CDYL: variants seen among roughly 807,000 people sequenced by gnomAD.
CDYL encodes chromodomain Y-like protein.
Under a neutral mutation model 47.3 loss-of-function variants are expected in CDYL, and 8 were observed. The observed-to-expected ratio is 0.17, with a 90% confidence interval of 0.10 to 0.31. The LOEUF (loss-of-function observed/expected upper bound fraction) is 0.31. Among genes scored for constraint, CDYL ranks in the 10% least tolerant of loss-of-function variants. The pLI, the probability that CDYL is intolerant of heterozygous loss-of-function variation, is 1.00. For missense variants in CDYL, 471 were observed against 701.4 expected (o/e 0.67, Z 3.71); for synonymous variants, 266 against 265.0 (o/e 1.00, Z -0.04).
chr6:4,710,573 G>A (rs537503530), intron 1 of CDYL, among the ~76,000 whole-genome samples: 4 of 146,064 alleles, frequency 2.7e-5, no homozygotes, highest in South Asian at 4.7e-4. Flanking sequence ...GGGAGGGAGG[G>A]AGGAACCCAG....
At chr6:4,870,301 C>T (rs908223784) in intron 1 of CDYL, among the ~76,000 whole-genome samples, 1 of 152,152 alleles carries the variant, frequency 6.6e-6, no homozygotes, top group African/African-American at 2.4e-5. Flanking sequence ...ATTGTTTTCC[C>T]TTTGGTGCTT....
chr6:4,857,489 T>A (rs1164431921), intron 1 of CDYL, among the ~76,000 whole-genome samples: 2 of 152,240 alleles, frequency 1.3e-5, no homozygotes, highest in African/African-American at 4.8e-5. Flanking sequence ...TACTAGACTC[T>A]GCCTTTTTCT....
At chr6:4,944,271 TCA>T (rs1243755157) in intron 5 of CDYL, among the ~76,000 whole-genome samples, 1 of 152,132 alleles carries the variant, frequency 6.6e-6, no homozygotes, top group Non-Finnish European at 1.5e-5. Context: ...GGAGGTGGTG[TCA>T]CAGGTCAGGT....
chr6:4,708,169 CACACACACATAT>C (rs939556225), intron 1 of CDYL, among the ~76,000 whole-genome samples: 2 of 68,948 alleles, frequency 2.9e-5, no homozygotes, highest in African/African-American at 1.8e-4. Flanking sequence ...CACACACACA[CACACACACATAT>C]ATATATATAT....
At chr6:4,726,107 T>G (rs1260538242) in intron 2 of CDYL, among the ~76,000 whole-genome samples, 7 of 152,098 alleles carry the variant, frequency 4.6e-5, no homozygotes, top group Non-Finnish European at 1.0e-4. Flanking sequence ...ATCCAAGATT[T>G]AGAGGTTAAA....
At chr6:4,775,425 C>T (rs1758411497), upstream of CDYL, 1 of 152,176 alleles carries the variant, frequency 6.6e-6, no homozygotes, top group Admixed American at 6.5e-5. This position sits in a 1 kb window ranked among gnomAD's most constrained non-coding sequence, Gnocchi z 7.0. Context: ...CCTCGCTGTT[C>T]TGAGCGAGGG....
Position 4,954,243 on chromosome 6 carries a change from ATAAC to A in CDYL, c.*190_*193del, listed in dbSNP as rs1352126954. The A allele has an allele frequency of 1.9e-6, 1 of 533,980 alleles. No individual in the cohort carries two copies. The allele number at this position is 533,980 out of a possible 1,614,324, so 33.1% of individuals were successfully genotyped here. On this transcript the variant is annotated 3_prime_UTR_variant, in exon 7 of 7. Coordinates refer to ENST00000397588, the MANE Select transcript of CDYL (RefSeq NM_004824.4). ...TTAAAGTACTGTAACTTTAAAATAAATAACTACAAAGCTTCTTTGTCCAAACGTC... is the reference window on the plus strand; with the variant it reads ...TTAAAGTACTGTAACTTTAAAATAAATACAAAGCTTCTTTGTCCAAACGTC...
intron 1 of CDYL, among the ~76,000 whole-genome samples, chr6:4,881,684 T>C (rs1034888311): frequency 1.2e-4 from 18 of 152,212 alleles, no homozygotes; most frequent in African/African-American, 4.1e-4. Context: ...CATTAAACAT[T>C]ATTACACTGT....
chr6:4,861,985 G>A lies in CDYL; in HGVS notation c.25-29728G>A, dbSNP rs539083126. Reference sequence around the variant, plus strand: ...ACATAGTCATTTTTATAAATTCATAGCCCTGGTCCTAAACAGGAAGTAAAG... The same window carrying A: ...ACATAGTCATTTTTATAAATTCATAACCCTGGTCCTAAACAGGAAGTAAAG... On this transcript the variant is annotated intron_variant, in intron 1 of 6. Coordinates refer to ENST00000397588, the MANE Select transcript of CDYL (RefSeq NM_004824.4). Among the ~76,000 whole-genome samples, 120 of 152,156 alleles carry A rather than the reference G, an allele frequency of 7.9e-4. 2 individuals are homozygous for A. In the South Asian group the frequency reaches 0.024, roughly 30 times the overall value.
At chr6:4,795,931 A>C (rs901047251) in intron 1 of CDYL, among the ~76,000 whole-genome samples, 1 of 151,510 alleles carries the variant, frequency 6.6e-6, no homozygotes, top group Non-Finnish European at 1.5e-5. Flanking sequence ...TCACTTTCAG[A>C]TTTTTTTTCT....
chr6:4,778,437 T>C (rs897111974), intron 1 of CDYL, among the ~76,000 whole-genome samples: 3 of 152,240 alleles, frequency 2.0e-5, no homozygotes, highest in African/African-American at 7.2e-5. Context: ...TCTGTGCTTA[T>C]TCTATATCTT....
At chr6:4,925,435 A>G (rs1757841653) in intron 2 of CDYL, among the ~76,000 whole-genome samples, 2 of 120,766 alleles carry the variant, frequency 1.7e-5, no homozygotes, top group Admixed American at 1.0e-4. Context: ...TTTTTGAGAC[A>G]GAATCTCACT....
At chr6:4,940,280 G>A (rs759595525) in intron 4 of CDYL, among the ~76,000 whole-genome samples, 15 of 152,214 alleles carry the variant, frequency 9.9e-5, no homozygotes, top group African/African-American at 1.2e-4. Flanking sequence ...TTTTGTCAAT[G>A]TGAATTTTCC....
intron 1 of CDYL, among the ~76,000 whole-genome samples, chr6:4,845,186 A>G (rs1471319297): frequency 2.0e-5 from 3 of 152,238 alleles, no homozygotes; most frequent in African/African-American, 4.8e-5. Context: ...CAGTTTGCCA[A>G]AAGGTTCAAA....
intron 1 of CDYL, among the ~76,000 whole-genome samples, chr6:4,867,194 G>T (rs552157484): frequency 6.6e-6 from 1 of 152,130 alleles, no homozygotes; most frequent in East Asian, 1.9e-4. Context: ...TCTGGAGTAT[G>T]TTAAAACAAA....
In CDYL at chr6:4,955,241, A is replaced by G. The variant is rs971269370; in HGVS notation, c.*1185A>G. On this transcript the variant is annotated 3_prime_UTR_variant, in exon 7 of 7. Coordinates refer to ENST00000397588, the MANE Select transcript of CDYL (RefSeq NM_004824.4). ...TGATTCCAGACTCCAGATGCCTATT[A>G]TTAGTTAGGCTTCTGAGCTTGCAAT... is the stretch of plus-strand genomic sequence containing the variant. The G allele has an allele frequency of 6.6e-5, 10 of 152,616 alleles. No homozygotes were observed. The highest frequency in any genetic ancestry group is 1.0e-4 in the Non-Finnish European group (7 of 68,042). 9.5% of individuals were successfully genotyped at this position (152,616 alleles called of 1,614,324 possible). A position where few individuals can be genotyped will look rare whatever the true frequency, so the allele number is the denominator to read the frequency against.
chr6:4,741,603 T>C (rs1178729022), intron 3 of CDYL, among the ~76,000 whole-genome samples: 3 of 152,202 alleles, frequency 2.0e-5, no homozygotes, highest in African/African-American at 7.2e-5. Context: ...GGCATGGTTC[T>C]ACTCTTTTAA....
intron 1 of CDYL, among the ~76,000 whole-genome samples, chr6:4,781,670 A>G (rs1363749888): frequency 6.6e-6 from 1 of 152,046 alleles, no homozygotes; most frequent in Non-Finnish European, 1.5e-5. Flanking sequence ...TCTTGCTGTG[A>G]TATCTAAGAA....
At chr6:4,737,803 G>A (rs1317191598) in intron 3 of CDYL, among the ~76,000 whole-genome samples, 2 of 152,048 alleles carry the variant, frequency 1.3e-5, no homozygotes, top group Non-Finnish European at 2.9e-5. Context: ...GGGATTACAG[G>A]TGTGAGCCAT....
Sources: allele counts gnomAD v4.1 joint callset (sites outside exome capture counted in the v4.1 genomes callset), GRCh38; gene constraint gnomAD v4.1.1; non-coding constraint Gnocchi (gnomAD v3.1); transcripts MANE v1.5; gene names NCBI Gene and HGNC (gene_info 2026-07-23, HGNC 2026-07-21).